The following STK32C variants were observed in gnomAD, a reference collection of about 807,000 sequenced individuals.
STK32C encodes the protein serine/threonine-protein kinase 32C.
In STK32C, 31 loss-of-function variants were observed where a neutral mutation model predicts 56.5. The ratio of observed to expected loss-of-function variants is 0.55; its 90% CI spans 0.41 to 0.74. STK32C has a LOEUF of 0.74. Among genes scored for constraint, STK32C ranks in the 30% least tolerant of loss-of-function variants. STK32C has a pLI of 0.00. For synonymous variants in STK32C, 309 were observed against 289.4 expected (o/e 1.07, Z -0.69); for missense variants, 544 against 676.9 (o/e 0.80, Z 2.18).
intron 10 of STK32C, among the ~76,000 whole-genome samples, chr10:132,221,482 T>A (rs1277146251): frequency 4.6e-5 from 6 of 130,934 alleles, no homozygotes; most frequent in Non-Finnish European, 6.4e-5. Context: ...CCTGGGTGAG[T>A]GTGAGGGCTT....
At chr10:132,233,136 C>A (rs1590203165) in intron 2 of STK32C, among the ~76,000 whole-genome samples, 1 of 152,260 alleles carries the variant, frequency 6.6e-6, no homozygotes, top group East Asian at 1.9e-4. Context: ...TCCCAGGGTT[C>A]AGTGCTGGGT....
At chr10:132,260,675 G>C (rs906054838) in intron 1 of STK32C, among the ~76,000 whole-genome samples, 1 of 152,238 alleles carries the variant, frequency 6.6e-6, no homozygotes, top group African/African-American at 2.4e-5. Context: ...TCTGCACCCA[G>C]GGCCCCGTGA....
At chr10:132,237,178 CTGTG>C (rs2063323811) in intron 2 of STK32C, among the ~76,000 whole-genome samples, 1 of 51,570 alleles carries the variant, frequency 1.9e-5, no homozygotes, top group Admixed American at 3.1e-4. Context: ...CACTCCCTGA[CTGTG>C]CTCCCTGGAC....
intron 10 of STK32C, among the ~76,000 whole-genome samples, chr10:132,210,660 G>T (rs569496303): frequency 6.6e-6 from 1 of 152,376 alleles, no homozygotes; most frequent in South Asian, 2.1e-4. Flanking sequence ...ACGGTTCAGG[G>T]ATTTGCTGAC....
intron 1 of STK32C, among the ~76,000 whole-genome samples, chr10:132,264,050 A>G (rs2064406526): frequency 6.6e-6 from 1 of 152,126 alleles, no homozygotes; most frequent in Non-Finnish European, 1.5e-5. Flanking sequence ...CAGGGACAGA[A>G]GGCAGTGTGG....
At chr10:132,296,624 G>T (rs1286241168) in intron 1 of STK32C, among the ~76,000 whole-genome samples, 2 of 152,170 alleles carry the variant, frequency 1.3e-5, no homozygotes, top group Non-Finnish European at 2.9e-5. Context: ...CAAGATGCTG[G>T]ATTTCTTAAT....
At chr10:132,223,909 T>C (rs2062776583) in intron 8 of STK32C, among the ~76,000 whole-genome samples, 1 of 152,184 alleles carries the variant, frequency 6.6e-6, no homozygotes, top group Admixed American at 6.5e-5. Context: ...GCACTACTGA[T>C]GGCCACACCC....
chr10:132,250,091 A>T (rs1396561244), intron 1 of STK32C, among the ~76,000 whole-genome samples: 1 of 152,252 alleles, frequency 6.6e-6, no homozygotes, highest in African/African-American at 2.4e-5. Context: ...GTGTCTACGG[A>T]GTCCATCAAA....
intron 2 of STK32C, among the ~76,000 whole-genome samples, chr10:132,235,379 C>T (rs1232753451): frequency 6.7e-6 from 1 of 149,858 alleles, no homozygotes; most frequent in Non-Finnish European, 1.5e-5. Context: ...GCCTGTAATC[C>T]CAGCTTCTCG....
chr10:132,243,274 T>C (rs1297094768), intron 2 of STK32C, among the ~76,000 whole-genome samples: 1 of 152,166 alleles, frequency 6.6e-6, no homozygotes, highest in East Asian at 1.9e-4. Flanking sequence ...ACAAGCACAA[T>C]TAGGCAGCGC....
At chr10:132,300,312 C>T (rs916851484) in intron 1 of STK32C, among the ~76,000 whole-genome samples, 7 of 152,188 alleles carry the variant, frequency 4.6e-5, no homozygotes, top group Non-Finnish European at 8.8e-5. Flanking sequence ...TAAATAACAT[C>T]GAGATGGGTT....
At chr10:132,233,738 C>G (rs2063178836) in intron 2 of STK32C, among the ~76,000 whole-genome samples, 1 of 152,382 alleles carries the variant, frequency 6.6e-6, no homozygotes, top group Admixed American at 6.5e-5. Flanking sequence ...GGCAGGGGCA[C>G]TCAGCCCACC....
intron 1 of STK32C, among the ~76,000 whole-genome samples, chr10:132,280,314 G>T (rs2065133664): frequency 7.3e-6 from 1 of 137,204 alleles, no homozygotes; most frequent in Non-Finnish European, 1.6e-5. Flanking sequence ...CCATGATCAT[G>T]CCACTGCACT....
chr10:132,248,077 T>C (rs2137953452), intron 1 of STK32C, among the ~76,000 whole-genome samples: 1 of 50,270 alleles, frequency 2.0e-5, no homozygotes, highest in South Asian at 4.6e-4. Context: ...AGAAAACCTA[T>C]GCACGCCCAG....
At chr10:132,302,954 T>G (rs527892648) in intron 1 of STK32C, among the ~76,000 whole-genome samples, 150 of 152,056 alleles carry the variant, frequency 9.9e-4, no homozygotes, top group African/African-American at 3.4e-3. Flanking sequence ...CAAAATGAAC[T>G]TCAAAGCTAT....
At chr10:132,240,775 G>T (rs1321170106) in intron 2 of STK32C, among the ~76,000 whole-genome samples, 1 of 152,104 alleles carries the variant, frequency 6.6e-6, no homozygotes, top group Admixed American at 6.5e-5. Context: ...CCAGCCAGGG[G>T]GGTTAGAGAG....
chr10:132,269,882 A>G (rs1226076383), intron 1 of STK32C, among the ~76,000 whole-genome samples: 1 of 152,186 alleles, frequency 6.6e-6, no homozygotes, highest in Non-Finnish European at 1.5e-5. Flanking sequence ...CGGCCATAAT[A>G]GCTGACACCC....
intron 1 of STK32C, among the ~76,000 whole-genome samples, chr10:132,291,937 G>A (rs942919998): frequency 9.2e-5 from 14 of 152,188 alleles, no homozygotes; most frequent in African/African-American, 3.1e-4. Flanking sequence ...TCAGACACCA[G>A]TGGGGAGCGG....
Position 132,227,998 on chromosome 10 carries a change from T to C in STK32C, c.449A>G (p.His150Arg). 1 of 1,613,628 alleles carries C rather than the reference T, an allele frequency of 6.2e-7. No individual in the cohort carries two copies. The highest frequency in any genetic ancestry group is 8.5e-7 in the Non-Finnish European group (1 of 1,180,008). Residue 150 changes from histidine to arginine, a missense_variant, in exon 3 of 12, where the codon CAC (histidine) becomes CGC (arginine). His to Arg is a conservative substitution (Grantham distance 29, BLOSUM62 0). This residue lies in a region of STK32C where 182 missense variants were observed against 217.7 expected (regional missense o/e 0.84). Transcript: ENST00000298630. ...RELEILQEIE[H>R]VFLVNLWYSF... ...TCACCAGAGGTTCACCAGGAAGACGTGCTCGATCTCCTGCAGGATCTCCAG... is the reference window on the plus strand; with the variant it reads ...TCACCAGAGGTTCACCAGGAAGACGCGCTCGATCTCCTGCAGGATCTCCAG...
Sources: allele counts gnomAD v4.1 joint callset (sites outside exome capture counted in the v4.1 genomes callset), GRCh38; gene constraint gnomAD v4.1.1; regional missense constraint gnomAD v4.1.1; transcripts MANE v1.5; gene names NCBI Gene and HGNC (gene_info 2026-07-23, HGNC 2026-07-21).